Variants in CCDC73 observed in about 807,000 individuals in gnomAD.
The protein encoded by CCDC73 is coiled-coil domain containing 73.
CCDC73 carries 95 observed loss-of-function variants against 116.5 expected under a neutral mutation model. That is an observed-to-expected ratio of 0.82 (90% CI 0.69 to 0.97). CCDC73 has a LOEUF of 0.97. CCDC73 is among the 50% of genes least tolerant of loss of function. CCDC73 has a pLI of 0.00. For missense variants in CCDC73, 1,066 were observed against 1,206.8 expected (o/e 0.88, Z 1.73); for synonymous variants, 398 against 401.3 (o/e 0.99, Z 0.10).
chr11:32,612,520 C>G (rs1231249277), intron 16 of CCDC73, among the ~76,000 whole-genome samples: 2 of 151,792 alleles, frequency 1.3e-5, no homozygotes, highest in Non-Finnish European at 2.9e-5. Flanking sequence ...AGGAGGATCA[C>G]TTGAGCCCAG....
chr11:32,720,546 T>C (rs557974603), intron 2 of CCDC73, among the ~76,000 whole-genome samples: 2 of 149,180 alleles, frequency 1.3e-5, no homozygotes, highest in African/African-American at 2.5e-5. Flanking sequence ...CACAAATAAA[T>C]AAACAGATTG....
intron 1 of CCDC73, among the ~76,000 whole-genome samples, chr11:32,782,771 T>C (rs564619063): frequency 7.9e-5 from 12 of 151,874 alleles, no homozygotes; most frequent in African/African-American, 2.4e-4. Flanking sequence ...GTATATTACA[T>C]TGATGAAAAA....
chr11:32,830,073 G>C, the CCDC73 span: 1 of 988,992 alleles, frequency 1.0e-6, no homozygotes, highest in South Asian at 4.7e-5. Flanking sequence ...GCGTCGCCGA[G>C]GTTTGAGGGC....
chr11:32,734,177 A>C (rs1428986448), intron 2 of CCDC73, among the ~76,000 whole-genome samples: 2 of 152,216 alleles, frequency 1.3e-5, no homozygotes, highest in Non-Finnish European at 2.9e-5. Flanking sequence ...TCTAGAAGAA[A>C]TGGATAAATT....
At chr11:32,786,117 C>A (rs1214210944) in intron 1 of CCDC73, among the ~76,000 whole-genome samples, 2 of 151,880 alleles carry the variant, frequency 1.3e-5, no homozygotes, top group Non-Finnish European at 2.9e-5. Context: ...CACTTCAGTA[C>A]TGCTTTTATT....
intron 1 of CCDC73, among the ~76,000 whole-genome samples, chr11:32,766,163 C>T (rs12276083): frequency 0.01 from 1,574 of 152,242 alleles, 26 homozygotes; most frequent in African/African-American, 0.036. Flanking sequence ...ATATGCAAAT[C>T]AATAAACGTA....
chr11:32,754,144 C>A (rs1406586488), intron 2 of CCDC73, among the ~76,000 whole-genome samples: 6 of 152,058 alleles, frequency 3.9e-5, no homozygotes, highest in African/African-American at 1.4e-4. Context: ...ATGCATTTTT[C>A]TTAAATATAT....
At chr11:32,660,910 G>A (rs1006844350) in intron 9 of CCDC73, among the ~76,000 whole-genome samples, 3 of 152,154 alleles carry the variant, frequency 2.0e-5, no homozygotes, top group Middle Eastern at 3.2e-3. Flanking sequence ...TCCTTGGGAT[G>A]GCTACAGTTG....
At chr11:32,745,131 C>T (rs1850224169) in intron 2 of CCDC73, among the ~76,000 whole-genome samples, 1 of 152,136 alleles carries the variant, frequency 6.6e-6, no homozygotes, top group South Asian at 2.1e-4. Flanking sequence ...TTTCAAAGAA[C>T]ATCTTTATTT....
At chr11:32,648,670 G>A (rs1338422971) in intron 12 of CCDC73, among the ~76,000 whole-genome samples, 1 of 151,966 alleles carries the variant, frequency 6.6e-6, no homozygotes, top group Non-Finnish European at 1.5e-5. Context: ...CTCTGCCTCA[G>A]GCTCCCGAGT....
At chr11:32,641,747 A>G (rs1050335484) in intron 13 of CCDC73, among the ~76,000 whole-genome samples, 1 of 151,392 alleles carries the variant, frequency 6.6e-6, no homozygotes, top group Non-Finnish European at 1.5e-5. Context: ...ATATATACAC[A>G]AACATGTATT....
At chr11:32,731,359 T>C (rs941203286) in intron 2 of CCDC73, among the ~76,000 whole-genome samples, 1 of 152,148 alleles carries the variant, frequency 6.6e-6, no homozygotes, top group Admixed American at 6.6e-5. Context: ...AGGGCATAGA[T>C]GAACAAAAGG....
At chr11:32,733,194 G>A (rs1184272457) in intron 2 of CCDC73, among the ~76,000 whole-genome samples, 1 of 152,068 alleles carries the variant, frequency 6.6e-6, no homozygotes, top group East Asian at 1.9e-4. Flanking sequence ...AATGGCAAAG[G>A]GATCAATTCA....
chr11:32,823,576 A>G, the CCDC73 span, among the ~76,000 whole-genome samples: 1 of 152,102 alleles, frequency 6.6e-6, no homozygotes, highest in African/African-American at 2.4e-5. Flanking sequence ...TAGATATACT[A>G]CAAGAAAGAT....
intron 5 of CCDC73, among the ~76,000 whole-genome samples, chr11:32,699,620 C>A (rs960943016): frequency 6.6e-6 from 1 of 152,028 alleles, no homozygotes; most frequent in African/African-American, 2.4e-5. Context: ...TCTCAGCAAA[C>A]TATCACAAGG....
chr11:32,798,371 G>A (rs1331181854), upstream of CCDC73, among the ~76,000 whole-genome samples: 1 of 152,248 alleles, frequency 6.6e-6, no homozygotes, highest in African/African-American at 2.4e-5. Flanking sequence ...ACCACTAACT[G>A]CAACCTCAAC....
At chr11:32,685,379 G>A (rs1856187902) in intron 6 of CCDC73, among the ~76,000 whole-genome samples, 1 of 151,290 alleles carries the variant, frequency 6.6e-6, no homozygotes, top group South Asian at 2.1e-4. Flanking sequence ...AAAGAAAAAC[G>A]ATAAATCAGG....
intron 14 of CCDC73, among the ~76,000 whole-genome samples, chr11:32,632,299 C>T (rs895297542): frequency 6.6e-6 from 1 of 152,190 alleles, no homozygotes; most frequent in African/African-American, 2.4e-5. Flanking sequence ...CATCTTGCCT[C>T]ACTGCAACCT....
intron 2 of CCDC73, among the ~76,000 whole-genome samples, chr11:32,732,500 G>A (rs1850088031): frequency 6.6e-6 from 1 of 152,146 alleles, no homozygotes; most frequent in Non-Finnish European, 1.5e-5. Flanking sequence ...AGGAAAAAAT[G>A]TTAAGGGCAG....
Sources: gnomAD v4.1 joint callset for allele counts (sites outside exome capture counted in the v4.1 genomes callset) on GRCh38, gnomAD v4.1.1 for gene constraint, MANE v1.5 for transcripts, NCBI Gene and HGNC (gene_info 2026-07-23, HGNC 2026-07-21) for gene names.